Variants in SHANK2 observed in about 807,000 individuals in gnomAD.
SHANK2 encodes the protein SH3 and multiple ankyrin repeat domains protein 2.
In SHANK2, 43 loss-of-function variants were observed where a neutral mutation model predicts 133.7. The observed-to-expected ratio is 0.32, with a 90% CI of 0.25 to 0.41. SHANK2 has a LOEUF of 0.41. Ranked by LOEUF, SHANK2 falls within the 10% of genes least tolerant of loss-of-function variation. The pLI is 1.00. For synonymous variants in SHANK2, 1,017 were observed against 952.8 expected, an observed-to-expected ratio of 1.07 and a Z score of -1.24; for missense variants, 1,994 against 2,235.8, an observed-to-expected ratio of 0.89 and a Z score of 2.18.
intron 11 of SHANK2, among the ~76,000 whole-genome samples, chr11:70,847,623 G>A (rs190923037): frequency 1.3e-5 from 2 of 152,306 alleles, no homozygotes; most frequent in African/African-American, 2.4e-5. Flanking sequence ...CAGCAGCGAC[G>A]CCATCCAGGG....
intron 15 of SHANK2, among the ~76,000 whole-genome samples, chr11:70,674,378 G>A (rs114900107): frequency 0.02 from 3,032 of 150,842 alleles, 111 homozygotes; most frequent in African/African-American, 0.071. Context: ...TTTTTGAGAC[G>A]GAGTTTTGCT....
At chr11:70,559,296 A>G (rs1257374918) in intron 17 of SHANK2, among the ~76,000 whole-genome samples, 1 of 152,202 alleles carries the variant, frequency 6.6e-6, no homozygotes, top group Non-Finnish European at 1.5e-5. Flanking sequence ...CTGGCATTAC[A>G]GGCGTGAGCC....
intron 11 of SHANK2, among the ~76,000 whole-genome samples, chr11:70,831,744 C>G (rs75387216): frequency 2.0e-5 from 3 of 152,270 alleles, no homozygotes; most frequent in Non-Finnish European, 4.4e-5. Context: ...TATAAACATG[C>G]CAGCAAGACT....
intron 7 of SHANK2, 129 bp from the exon 8 acceptor site, chr11:71,092,718 T>C (rs1951540161): frequency 2.4e-6 from 2 of 841,596 alleles, no homozygotes; most frequent in African/African-American, 3.4e-5. Context: ...GAGTACCCAG[T>C]GCTTCTCCTG....
intron 2 of SHANK2, among the ~76,000 whole-genome samples, chr11:71,166,643 G>A (rs149759673): frequency 0.033 from 5,044 of 151,570 alleles, 245 homozygotes; most frequent in African/African-American, 0.1. Context: ...CACCACACCC[G>A]GCTAATTTTT....
chr11:70,572,704 A>G (rs1206614719), intron 17 of SHANK2, among the ~76,000 whole-genome samples: 4 of 152,164 alleles, frequency 2.6e-5, no homozygotes, highest in Non-Finnish European at 5.9e-5. Flanking sequence ...TAAAGTCACA[A>G]TGAGACGCCA....
chr11:70,698,877 C>T (rs979787580), intron 14 of SHANK2, 114 bp from the exon 15 acceptor site: 5 of 708,828 alleles, frequency 7.1e-6, no homozygotes, highest in African/African-American at 5.2e-5. Flanking sequence ...ATGTGAGATG[C>T]ACTGTCCTGG....
At chr11:70,617,168 CTGTG>C (rs1193137823) in intron 17 of SHANK2, among the ~76,000 whole-genome samples, 18 of 150,488 alleles carry the variant, frequency 1.2e-4, no homozygotes, top group African/African-American at 2.7e-4. Context: ...TGTGAGCTGT[CTGTG>C]TGTGTGTGTC....
chr11:70,495,620 C>T (rs915474126), intron 21 of SHANK2, among the ~76,000 whole-genome samples: 9 of 152,178 alleles, frequency 5.9e-5, no homozygotes, highest in African/African-American at 1.7e-4. Flanking sequence ...CAGGGCACTG[C>T]GGGGTGGGGA....
chr11:71,167,706 C>T (rs1438081561), intron 2 of SHANK2, among the ~76,000 whole-genome samples: 1 of 142,702 alleles, frequency 7.0e-6, no homozygotes, highest in African/African-American at 2.7e-5. Flanking sequence ...GAGCGGCTGG[C>T]CGGGCAGAGG....
At chr11:71,227,897 A>T (rs1439771440) in intron 1 of SHANK2, among the ~76,000 whole-genome samples, 1 of 152,134 alleles carries the variant, frequency 6.6e-6, no homozygotes, top group Admixed American at 6.5e-5. Context: ...GAAGGAAGAA[A>T]ATAATAAACA....
chr11:70,590,769 CAA>C (rs57234694), intron 17 of SHANK2, among the ~76,000 whole-genome samples: 36 of 139,432 alleles, frequency 2.6e-4, no homozygotes, highest in African/African-American at 2.3e-4. Context: ...ACTGGGAAAC[CAA>C]AAAAAAAAAA....
chr11:71,112,110 C>T (rs1951899837), intron 5 of SHANK2, among the ~76,000 whole-genome samples: 1 of 152,200 alleles, frequency 6.6e-6, no homozygotes. Context: ...CAGTAAGAAT[C>T]CTGCCGGGCA....
intron 17 of SHANK2, among the ~76,000 whole-genome samples, chr11:70,566,209 T>C (rs2059966491): frequency 2.0e-5 from 3 of 152,138 alleles, no homozygotes; most frequent in Non-Finnish European, 4.4e-5. Flanking sequence ...CCACAACACA[T>C]GGGAATCATG....
Position 70,807,479 on chromosome 11 carries a change from GGA to G in SHANK2, c.1494-310_1494-309del, listed in dbSNP as rs1948188003. On this transcript the variant is annotated intron_variant, in intron 12 of 25. Coordinates refer to ENST00000601538, the MANE Select transcript of SHANK2 (RefSeq NM_012309.5). The surrounding 1 kb of genome is among the most constrained non-coding windows in gnomAD (Gnocchi z 4.8). Reference sequence around the variant, plus strand: ...CAGCCCAAGGGTCCCTCCACAGAATGGAGAGACACAGGGTGGTCCAAACATAC... The same window carrying G: ...CAGCCCAAGGGTCCCTCCACAGAATGGAGACACAGGGTGGTCCAAACATAC... 6.6e-6 allele frequency among the ~76,000 whole-genome samples: 1 copy of G among 152,220 alleles called. No homozygotes were observed. Among genetic ancestry groups the G allele is most frequent in the African/African-American group, 2.4e-5 (1 of 41,470 alleles).
At chr11:71,196,800 C>A (rs1555116259) in intron 2 of SHANK2, among the ~76,000 whole-genome samples, 1 of 151,604 alleles carries the variant, frequency 6.6e-6, no homozygotes, top group African/African-American at 2.4e-5. Context: ...GAGTTTGAGA[C>A]CAGCCTGGCC....
intron 14 of SHANK2, among the ~76,000 whole-genome samples, chr11:70,701,933 TCACCACCACCATCAC>T (rs1375356927): frequency 4.0e-5 from 6 of 148,440 alleles, no homozygotes; most frequent in African/African-American, 1.5e-4. Flanking sequence ...ACCACCACCA[TCACCACCACCATCAC>T]CACCACCACC....
intron 2 of SHANK2, among the ~76,000 whole-genome samples, chr11:71,208,140 C>G (rs180953407): frequency 9.3e-4 from 142 of 152,282 alleles, no homozygotes; most frequent in African/African-American, 3.4e-3. Flanking sequence ...AGGAGGGGCA[C>G]AGAAAGCCAT....
chr11:70,663,332 C>A (rs1213420655), intron 15 of SHANK2, among the ~76,000 whole-genome samples: 1 of 152,128 alleles, frequency 6.6e-6, no homozygotes, highest in Admixed American at 6.5e-5. Context: ...TTGGGGGGCC[C>A]TGGGGAGGAG....
Sources: gnomAD v4.1 joint callset for allele counts (sites outside exome capture counted in the v4.1 genomes callset) on GRCh38, gnomAD v4.1.1 for gene constraint, Gnocchi (gnomAD v3.1) non-coding constraint, MANE v1.5 for transcripts, NCBI Gene and HGNC (gene_info 2026-07-23, HGNC 2026-07-21) for gene names.